FMO1: variants seen among roughly 807,000 people sequenced by gnomAD.
The protein encoded by FMO1 is flavin containing dimethylaniline monoxygenase 1, also known as flavin-containing monooxygenase 1.
A neutral mutation model predicts 45.4 loss-of-function variants in FMO1; 36 were observed. The ratio of observed to expected loss-of-function variants is 0.79; its 90% CI spans 0.61 to 1.05. The LOEUF is 1.05. Among genes scored for constraint, FMO1 ranks in the 50% least tolerant of loss-of-function variants. FMO1 has a pLI of 0.00. For missense variants in FMO1, 615 were observed against 640.3 expected, an observed-to-expected ratio of 0.96 and a Z score of 0.43; for synonymous variants, 228 against 227.2, an observed-to-expected ratio of 1.00 and a Z score of -0.03.
chr1:171,277,214 C>T (rs1382374204), intron 4 of FMO1, among the ~76,000 whole-genome samples: 1 of 152,168 alleles, frequency 6.6e-6, no homozygotes, highest in Non-Finnish European at 1.5e-5. Context: ...ATGGCACACA[C>T]TCCTTGCGAT....
chr1:171,285,880 C>G lies in FMO1; in HGVS notation c.*336C>G, dbSNP rs527281079. On this transcript the variant is annotated 3_prime_UTR_variant, in exon 9 of 9. Coordinates refer to ENST00000617670, the MANE Select transcript of FMO1 (RefSeq NM_001282693.2). ...TTTTCACAGATCTCAACTAAAACCC[C>G]TTACTTCACAAATGATTGTGTTGTG... 4.0e-4 allele frequency: 74 copies of G among 186,868 alleles called. No homozygotes were observed. The highest frequency in any genetic ancestry group is 2.0e-3 in the Middle Eastern group (1 of 506). 11.6% of individuals were successfully genotyped at this position (186,868 alleles called of 1,614,324 possible).
chr1:171,248,751 G>A (rs754825108), intron 1 of FMO1, 128 bp downstream of exon 1: 1 of 151,894 alleles, frequency 6.6e-6, no homozygotes, highest in African/African-American at 2.4e-5. Flanking sequence ...GTCCAACCCT[G>A]GAGGAGCTAT....
intron 3 of FMO1, among the ~76,000 whole-genome samples, chr1:171,269,346 G>T (rs1030626721): frequency 1.3e-5 from 2 of 152,140 alleles, no homozygotes; most frequent in Admixed American, 1.3e-4. Flanking sequence ...TGACAAAAAT[G>T]CTGATAGTGA....
Position 171,258,144 on chromosome 1 carries a change from G to A in FMO1, c.57G>A (p.Lys19=), listed in dbSNP as rs1195549807. ...GGGTCAGCGGCCTGGCCTCCATCAA[G>A]TGCTGTCTGGAAGAAGGACTGGAGC... ...GAGVSGLASI[K]CCLEEGLEPT... Residue 19 remains lysine (K), a synonymous_variant, in exon 2 of 9, where the codon AAG becomes AAA. Transcript: ENST00000617670. The A allele has an allele frequency of 2.5e-6, 4 of 1,614,202 alleles. No homozygotes were observed. Among genetic ancestry groups the A allele is most frequent in the Non-Finnish European group, 3.4e-6 (4 of 1,180,028 alleles).
intron 1 of FMO1, among the ~76,000 whole-genome samples, chr1:171,257,575 C>T (rs10912673): frequency 0.27 from 40,443 of 151,876 alleles, 8,612 homozygotes; most frequent in African/African-American, 0.6. Context: ...CGGTAGCACC[C>T]GTGGTGCCAC....
chr1:171,285,439 C>A lies in FMO1; in HGVS notation c.1494C>A (p.Val498=), dbSNP rs768101974. The A allele has an allele frequency of 1.9e-6, 3 of 1,603,388 alleles. No homozygotes were observed. In the South Asian group the frequency reaches 3.4e-5, roughly 18 times the overall value. Residue 498 remains valine (V), a synonymous_variant, in exon 9 of 9, where the codon GTC becomes GTA. Transcript: ENST00000617670. ...CCCAGTGGGACCGAACATTCAAGGT[C>A]ATCAAAGCTCGAGTTGTACAAGAGT... ...IMTQWDRTFK[V]IKARVVQESP... is the part of the protein sequence containing the mutation.
intron 3 of FMO1, among the ~76,000 whole-genome samples, chr1:171,269,770 T>C (rs866779567): frequency 6.6e-6 from 1 of 152,236 alleles, no homozygotes. Flanking sequence ...TAATTCATAC[T>C]GAGATGCAAA....
chr1:171,260,542 T>G (rs12145368), intron 2 of FMO1, among the ~76,000 whole-genome samples: 2,102 of 152,094 alleles, frequency 0.014, 20 homozygotes, highest in African/African-American at 0.022. Context: ...ATAAGAGCAC[T>G]CACACCAGAG....
In FMO1 at chr1:171,278,802, A is replaced by C. The variant is rs777350045; in HGVS notation, c.558A>C (p.Arg186Ser). ...YKHPDIFKDK[R>S]VLVIGMGNSG... Reference sequence around the variant, plus strand: ...ATCCAGATATATTTAAGGACAAGAGAGTCCTTGTGATTGGAATGGGAAATT... The same window carrying C: ...ATCCAGATATATTTAAGGACAAGAGCGTCCTTGTGATTGGAATGGGAAATT... The change falls in exon 5 of 9, where the codon AGA becomes AGC. Residue 186 changes from arginine (R) to serine (S), a missense_variant. Arg to Ser is a moderately radical substitution (Grantham distance 110). Coordinates refer to ENST00000617670, the MANE Select transcript of FMO1 (RefSeq NM_001282693.2). The C allele has an allele frequency of 6.2e-7, 1 of 1,611,848 alleles. No homozygotes were observed. Among genetic ancestry groups the C allele is most frequent in the Admixed American group, 1.7e-5 (1 of 59,960 alleles).
intron 2 of FMO1, among the ~76,000 whole-genome samples, chr1:171,260,727 T>A (rs1660342273): frequency 6.6e-6 from 1 of 151,686 alleles, no homozygotes; most frequent in African/African-American, 2.4e-5. Context: ...GGTCAGGAGT[T>A]CGAGACCAGC....
rs1661065237 is a variant in FMO1 at position 171,275,385 on chromosome 1, G to C, written c.361G>C (p.Val121Leu). 6.2e-7 allele frequency: 1 copy of C among 1,613,864 alleles called. No homozygotes were observed. Among genetic ancestry groups the C allele is most frequent in the Admixed American group, 1.7e-5 (1 of 59,994 alleles). ...TGTAACAAAATGCTCAGATTCTGCT[G>C]TCTCTGGCCAATGGGAGGTGGTCAC... Reference protein sequence around the residue: ...CSVTKCSDSAVSGQWEVVTMH... With the variant: ...CSVTKCSDSALSGQWEVVTMH... Residue 121 changes from valine to leucine, a missense_variant, in exon 4 of 9, where the codon GTC (valine) becomes CTC (leucine). Physicochemically the swap from Val to Leu is conservative, Grantham distance 32 (BLOSUM62 1). Transcript: ENST00000617670.
At chr1:171,274,872 A>G (rs969472741) in intron 3 of FMO1, among the ~76,000 whole-genome samples, 2 of 152,224 alleles carry the variant, frequency 1.3e-5, no homozygotes, top group Admixed American at 1.3e-4. Context: ...GCACTTTTCA[A>G]TTGCTTTCTA....
At chr1:171,262,821 G>T (rs12085247) in intron 2 of FMO1, among the ~76,000 whole-genome samples, 5,947 of 152,160 alleles carry the variant, frequency 0.039, 409 homozygotes, top group African/African-American at 0.14. Context: ...TTCCTCTGAG[G>T]TTTCCACAGC....
intron 1 of FMO1, 167 bp from the exon 2 acceptor site, chr1:171,257,915 T>C (rs1660227093): frequency 1.4e-6 from 1 of 699,460 alleles, no homozygotes; most frequent in Admixed American, 2.4e-5. Flanking sequence ...GGTTAACCAG[T>C]GACCTGAACA....
intron 1 of FMO1, 138 bp from the exon 2 acceptor site, chr1:171,257,944 C>T (rs1571329718): frequency 1.1e-6 from 1 of 938,538 alleles, no homozygotes; most frequent in Non-Finnish European, 1.6e-6. Flanking sequence ...CTCACATTCA[C>T]ACACCAGAGA....
chr1:171,258,838 G>C (rs1170909030), intron 2 of FMO1, among the ~76,000 whole-genome samples: 2 of 151,272 alleles, frequency 1.3e-5, no homozygotes, highest in Non-Finnish European at 2.9e-5. Context: ...CTGGATCGGA[G>C]AAAGGAATGA....
At chr1:171,260,171 G>T (rs28384865) in intron 2 of FMO1, among the ~76,000 whole-genome samples, 1,538 of 152,238 alleles carry the variant, frequency 0.01, 26 homozygotes, top group African/African-American at 0.034. Flanking sequence ...AGGAAGAATG[G>T]GAGGGAAAAG....
intron 8 of FMO1, 101 bp downstream of exon 8, chr1:171,283,317 A>C (rs559359446): frequency 3.3e-6 from 2 of 607,252 alleles, no homozygotes; most frequent in African/African-American, 3.9e-5. Context: ...AAAGAAAAAA[A>C]AACAATAGCA....
chr1:171,283,017 C>T (rs1466706323), intron 7 of FMO1, 127 bp from the exon 8 acceptor site: 2 of 634,530 alleles, frequency 3.2e-6, no homozygotes, highest in South Asian at 2.0e-5. Flanking sequence ...AACATTTTTG[C>T]CAGAAGGATC....
Sources: gnomAD v4.1 joint callset for allele counts (sites outside exome capture counted in the v4.1 genomes callset) on GRCh38, gnomAD v4.1.1 for gene constraint, MANE v1.5 for transcripts, NCBI Gene and HGNC (gene_info 2026-07-23, HGNC 2026-07-21) for gene names.